Variants in PCDH9 observed in about 807,000 individuals in gnomAD.
PCDH9 encodes the protein protocadherin 9.
PCDH9 carries 24 observed loss-of-function variants against 70.6 expected under a neutral mutation model. The observed-to-expected ratio is 0.34, with a 90% confidence interval of 0.25 to 0.48. PCDH9 has a LOEUF of 0.48. PCDH9 is among the 20% of genes least tolerant of loss of function. PCDH9 has a pLI of 0.99. For synonymous variants in PCDH9, 562 were observed against 558.5 expected (o/e 1.01, Z -0.09); for missense variants, 1,281 against 1,503.6 (o/e 0.85, Z 2.45).
At chr13:66,950,341 T>A (rs2083159292) in intron 2 of PCDH9, among the ~76,000 whole-genome samples, 1 of 152,134 alleles carries the variant, frequency 6.6e-6, no homozygotes, top group Admixed American at 6.6e-5. Flanking sequence ...ATGTGAAGCT[T>A]ATTCAATCTT....
At chr13:67,092,037 C>A (rs1320221745) in intron 2 of PCDH9, among the ~76,000 whole-genome samples, 1 of 152,058 alleles carries the variant, frequency 6.6e-6, no homozygotes, top group Non-Finnish European at 1.5e-5. Flanking sequence ...TATTTAAGAC[C>A]TTGGAGATAC....
At chr13:67,026,545 T>A (rs1334955676) in intron 2 of PCDH9, among the ~76,000 whole-genome samples, 12 of 152,056 alleles carry the variant, frequency 7.9e-5, no homozygotes, top group Admixed American at 7.9e-4. Flanking sequence ...TTCAACATAG[T>A]GTTGGAAGTT....
At chr13:66,570,463 G>C (rs577575318) in intron 4 of PCDH9, among the ~76,000 whole-genome samples, 10 of 152,210 alleles carry the variant, frequency 6.6e-5, no homozygotes, top group African/African-American at 2.4e-4. Flanking sequence ...ATAAGATAGG[G>C]AGATTTATCA....
chr13:66,794,280 G>A lies in PCDH9; in HGVS notation c.3138+109224C>T, dbSNP rs1454573308. Among the ~76,000 whole-genome samples the A allele has an allele frequency of 7.9e-5, 12 of 152,038 alleles. 1 individual carries two copies. Among genetic ancestry groups the A allele is most frequent in the African/African-American group, 2.9e-4 (12 of 41,422 alleles). On this transcript the variant is annotated intron_variant, in intron 3 of 4. Transcript: ENST00000377865. ...GGCAAGAAAGAGAAAAGGAAGGAAA[G>A]AAGGAAAGAGAGGGAGGGATAGAGC...
intron 3 of PCDH9, among the ~76,000 whole-genome samples, chr13:66,897,842 A>T (rs1359876172): frequency 5.3e-5 from 8 of 152,116 alleles, no homozygotes; most frequent in African/African-American, 1.9e-4. Context: ...AAGTGCAAAG[A>T]TTCCTAAATG....
At chr13:67,096,970 C>T (rs544078771) in intron 2 of PCDH9, among the ~76,000 whole-genome samples, 17 of 151,974 alleles carry the variant, frequency 1.1e-4, no homozygotes, top group African/African-American at 4.1e-4. Context: ...ATTTTAAGGC[C>T]GGGCACAGTG....
intron 2 of PCDH9, among the ~76,000 whole-genome samples, chr13:67,114,429 A>G (rs1388821679): frequency 6.6e-6 from 1 of 152,192 alleles, no homozygotes; most frequent in Non-Finnish European, 1.5e-5. Flanking sequence ...CAAATTGTAG[A>G]AAAAAATATT....
Position 66,882,634 on chromosome 13 carries a change from C to A in PCDH9, c.3138+20870G>T, listed in dbSNP as rs553373062. Among the ~76,000 whole-genome samples, 175 of 152,224 alleles carry A rather than the reference C, an allele frequency of 1.1e-3. No individual in the cohort carries two copies. The South Asian group carries it at 0.02, about 18-fold the overall frequency. ...GACTATCACTTTGATAAATTTAATA[C>A]AAATTTAATTTTGTATGCCATCAAA... On this transcript the variant is annotated intron_variant, in intron 3 of 4. Coordinates refer to ENST00000377865, the MANE Select transcript of PCDH9 (RefSeq NM_203487.3).
chr13:67,196,643 A>T (rs964132904), intron 2 of PCDH9, among the ~76,000 whole-genome samples: 2 of 152,064 alleles, frequency 1.3e-5, no homozygotes, highest in African/African-American at 4.8e-5. Flanking sequence ...AAAAATGAAT[A>T]CTGGGCAAGT....
intron 3 of PCDH9, among the ~76,000 whole-genome samples, chr13:66,877,484 A>G (rs2081837810): frequency 6.6e-6 from 1 of 152,012 alleles, no homozygotes; most frequent in Admixed American, 6.6e-5. Context: ...GTGGTCAAAG[A>G]ACTAGAGAAT....
chr13:66,854,609 T>G (rs1235454800), intron 3 of PCDH9, among the ~76,000 whole-genome samples: 2 of 151,858 alleles, frequency 1.3e-5, no homozygotes, highest in African/African-American at 4.9e-5. Flanking sequence ...TTTTTTAATG[T>G]CTATTTAGTG....
chr13:66,745,502 C>G (rs1206557981), intron 3 of PCDH9, among the ~76,000 whole-genome samples: 1 of 152,106 alleles, frequency 6.6e-6, no homozygotes, highest in African/African-American at 2.4e-5. Context: ...CACCTCAGTA[C>G]AATGCTAATG....
At chr13:66,749,509 G>T (rs538985076) in intron 3 of PCDH9, among the ~76,000 whole-genome samples, 9 of 152,140 alleles carry the variant, frequency 5.9e-5, no homozygotes, top group Non-Finnish European at 1.0e-4. Context: ...AACTGGTTTA[G>T]AGTCCAAGGG....
chr13:66,627,946 T>C (rs2077519937), intron 4 of PCDH9, among the ~76,000 whole-genome samples: 1 of 152,240 alleles, frequency 6.6e-6, no homozygotes, highest in South Asian at 2.1e-4. Context: ...TTATATGTAT[T>C]GGACAATATT....
chr13:66,617,162 T>C (rs2077365894), intron 4 of PCDH9, among the ~76,000 whole-genome samples: 4 of 152,180 alleles, frequency 2.6e-5, no homozygotes, highest in Non-Finnish European at 2.9e-5. Context: ...GTTCCTTTTC[T>C]CTAGGCGCCC....
intron 4 of PCDH9, among the ~76,000 whole-genome samples, chr13:66,554,542 TA>T (rs1222776579): frequency 6.6e-6 from 1 of 152,120 alleles, no homozygotes; most frequent in Admixed American, 6.5e-5. Context: ...TGAATTAAAG[TA>T]AACTAATAAT....
intron 4 of PCDH9, among the ~76,000 whole-genome samples, chr13:66,494,765 A>G (rs1959087047): frequency 6.6e-6 from 1 of 152,190 alleles, no homozygotes; most frequent in Non-Finnish European, 1.5e-5. Context: ...TATCCATTAC[A>G]TTAAAAATTG....
chr13:66,615,234 A>G (rs1178666703), intron 4 of PCDH9, among the ~76,000 whole-genome samples: 3 of 152,232 alleles, frequency 2.0e-5, no homozygotes, highest in Non-Finnish European at 4.4e-5. Flanking sequence ...TGGGGAGGAA[A>G]GTCTTTGAAG....
chr13:66,543,161 G>T (rs1487497425), intron 4 of PCDH9, among the ~76,000 whole-genome samples: 1 of 151,854 alleles, frequency 6.6e-6, no homozygotes, highest in Non-Finnish European at 1.5e-5. Flanking sequence ...TATCAAATCA[G>T]TTGCACGTTA....
Sources: allele counts gnomAD v4.1 joint callset (sites outside exome capture counted in the v4.1 genomes callset), GRCh38; gene constraint gnomAD v4.1.1; transcripts MANE v1.5; gene names NCBI Gene and HGNC (gene_info 2026-07-23, HGNC 2026-07-21).